TMEM132D: variants seen among roughly 807,000 people sequenced by gnomAD.
The protein encoded by TMEM132D is mature OL transmembrane protein.
Under a neutral mutation model 62.3 loss-of-function variants are expected in TMEM132D, and 21 were observed. The ratio of observed to expected loss-of-function variants is 0.34; its 90% CI spans 0.24 to 0.49. The LOEUF is 0.49. TMEM132D is among the 20% of genes least tolerant of loss of function. The pLI, the probability that TMEM132D is intolerant of heterozygous loss-of-function variation, is 0.99. For missense variants in TMEM132D, 1,346 were observed against 1,402.8 expected (o/e 0.96, Z 0.65); for synonymous variants, 621 against 575.6 (o/e 1.08, Z -1.13).
intron 4 of TMEM132D, among the ~76,000 whole-genome samples, chr12:129,316,732 C>T (rs527678832): frequency 3.9e-5 from 6 of 152,212 alleles, no homozygotes; most frequent in Admixed American, 6.5e-5. Context: ...CTGTCTAGTG[C>T]TGTCAGTGGA....
chr12:129,107,693 A>G (rs915903898), intron 5 of TMEM132D, among the ~76,000 whole-genome samples: 2 of 152,142 alleles, frequency 1.3e-5, no homozygotes, highest in Non-Finnish European at 2.9e-5. Flanking sequence ...TGAATGACAC[A>G]GAGCAGTTTT....
intron 1 of TMEM132D, among the ~76,000 whole-genome samples, chr12:129,862,728 G>A (rs918470293): frequency 6.6e-6 from 1 of 152,126 alleles, no homozygotes; most frequent in African/African-American, 2.4e-5. Flanking sequence ...ATGAGTCTGG[G>A]CTTCAAAAGC....
chr12:129,686,261 G>A (rs866982443), intron 2 of TMEM132D, among the ~76,000 whole-genome samples: 6 of 152,252 alleles, frequency 3.9e-5, no homozygotes, highest in South Asian at 2.1e-4. Flanking sequence ...TGATCCCCAC[G>A]TGTTGTGAGA....
chr12:129,900,537 G>T (rs1266575218), intron 1 of TMEM132D, among the ~76,000 whole-genome samples: 1 of 152,168 alleles, frequency 6.6e-6, no homozygotes, highest in African/African-American at 2.4e-5. Flanking sequence ...ACCAGCATGT[G>T]CAAGGGAACA....
chr12:129,794,520 G>A (rs752017381), intron 1 of TMEM132D, among the ~76,000 whole-genome samples: 4 of 152,044 alleles, frequency 2.6e-5, no homozygotes, highest in Non-Finnish European at 5.9e-5. Context: ...ATTTTGTTAA[G>A]TTAACCTTAA....
chr12:129,524,248 AT>A (rs1875943990), intron 3 of TMEM132D, among the ~76,000 whole-genome samples: 1 of 152,102 alleles, frequency 6.6e-6, no homozygotes, highest in African/African-American at 2.4e-5. Context: ...AAATAAAAAA[AT>A]AAAAAGGTGA....
chr12:129,850,172 C>T (rs1349717317), intron 1 of TMEM132D, among the ~76,000 whole-genome samples: 1 of 152,178 alleles, frequency 6.6e-6, no homozygotes. Context: ...TCTCTCTCTC[C>T]TCTCTGTCTC....
chr12:129,514,082 G>T (rs567438382), intron 3 of TMEM132D, among the ~76,000 whole-genome samples: 1 of 150,740 alleles, frequency 6.6e-6, no homozygotes, highest in Admixed American at 6.6e-5. Context: ...CTTGTGATCC[G>T]CCCGCCTCGG....
intron 1 of TMEM132D, among the ~76,000 whole-genome samples, chr12:129,833,320 G>C (rs1483901640): frequency 6.6e-6 from 1 of 152,156 alleles, no homozygotes; most frequent in Non-Finnish European, 1.5e-5. Flanking sequence ...ATATTTCTGG[G>C]CTGGGTATGG....
At chr12:129,685,561 G>A (rs943630369) in intron 2 of TMEM132D, among the ~76,000 whole-genome samples, 3 of 152,228 alleles carry the variant, frequency 2.0e-5, no homozygotes, top group African/African-American at 7.2e-5. Flanking sequence ...GGGCCCTCAT[G>A]GAGAACCTCT....
At chr12:129,820,081 G>A (rs576690685) in intron 1 of TMEM132D, among the ~76,000 whole-genome samples, 1 of 152,218 alleles carries the variant, frequency 6.6e-6, no homozygotes, top group African/African-American at 2.4e-5. Context: ...TTTTTTGTCT[G>A]AAGCTAAAGC....
chr12:129,076,484 G>T (rs1874261270), intron 8 of TMEM132D, among the ~76,000 whole-genome samples: 1 of 152,202 alleles, frequency 6.6e-6, no homozygotes, highest in African/African-American at 2.4e-5. Context: ...GTCTTTGGAA[G>T]TAAGAAGAAA....
At chr12:129,698,929 T>C (rs1881301429) in intron 2 of TMEM132D, among the ~76,000 whole-genome samples, 1 of 152,106 alleles carries the variant, frequency 6.6e-6, no homozygotes, top group Admixed American at 6.5e-5. Context: ...ATGTCTTACA[T>C]ACAGTTACAC....
Position 129,290,867 on chromosome 12 carries a change from C to T in TMEM132D, c.1299+46767G>A, listed in dbSNP as rs1178048561. Among the ~76,000 whole-genome samples the T allele has an allele frequency of 2.6e-5, 4 of 152,280 alleles. No homozygotes were observed. The South Asian group carries it at 8.3e-4, about 32-fold the overall frequency. On this transcript the variant is annotated intron_variant, in intron 4 of 8. Transcript: ENST00000422113. ...CATTAATTTGGTAGGGCCAGGTTCT[C>T]TATTTACTGTATAATGAAGTTGCAT...
At chr12:129,705,852 C>T (rs1188039702) in intron 1 of TMEM132D, among the ~76,000 whole-genome samples, 1 of 151,988 alleles carries the variant, frequency 6.6e-6, no homozygotes, top group Non-Finnish European at 1.5e-5. Context: ...AATTTATAAA[C>T]TTAAAAATGC....
chr12:129,736,221 C>A lies in TMEM132D; in HGVS notation c.80-35523G>T, dbSNP rs919684105. ...GAACATGCCCTACAAAAGTCTCCTT[C>A]TTTATAGATTTCTCATTTATAACAG... On this transcript the variant is annotated intron_variant, in intron 1 of 8. Transcript: ENST00000422113. Among the ~76,000 whole-genome samples the A allele has an allele frequency of 7.9e-5, 12 of 152,276 alleles. 1 individual carries two copies. The Middle Eastern group carries it at 0.014, about 173-fold the overall frequency.
At chr12:129,555,752 G>T (rs1226862281) in intron 2 of TMEM132D, among the ~76,000 whole-genome samples, 1 of 152,032 alleles carries the variant, frequency 6.6e-6, no homozygotes, top group Non-Finnish European at 1.5e-5. Flanking sequence ...TAAAAATAAA[G>T]AAAACACTCA....
intron 3 of TMEM132D, among the ~76,000 whole-genome samples, chr12:129,456,008 T>C (rs77898573): frequency 0.022 from 3,316 of 152,230 alleles, 113 homozygotes; most frequent in Admixed American, 0.09. Context: ...CAAGATACAA[T>C]GGCAGGAGGT....
At chr12:129,285,518 C>A (rs1881267897) in intron 4 of TMEM132D, among the ~76,000 whole-genome samples, 1 of 2,908 alleles carries the variant, frequency 3.4e-4, no homozygotes, top group South Asian at 0.17. Context: ...CAGAGTGAGA[C>A]TGTGTCTCAA....
Sources: gnomAD v4.1 joint callset for allele counts (sites outside exome capture counted in the v4.1 genomes callset) on GRCh38, gnomAD v4.1.1 for gene constraint, MANE v1.5 for transcripts, NCBI Gene and HGNC (gene_info 2026-07-23, HGNC 2026-07-21) for gene names.